PYGB: variants seen among roughly 807,000 people sequenced by gnomAD.
PYGB encodes glycogen phosphorylase, brain form.
A neutral mutation model predicts 94.3 loss-of-function variants in PYGB; 82 were observed. That is an observed-to-expected ratio of 0.87 (90% CI 0.73 to 1.04). PYGB has a LOEUF of 1.04. Among genes scored for constraint, PYGB ranks in the 50% least tolerant of loss-of-function variants. The pLI is 0.00. For synonymous variants in PYGB, 488 were observed against 479.1 expected (o/e 1.02, Z -0.24); for missense variants, 1,132 against 1,158.2 (o/e 0.98, Z 0.33).
rs746812974 is a variant in PYGB at position 25,248,220 on chromosome 20, C to A, written c.42C>A (p.Ile14=). ...PLTDSEKRKQ[I]SVRGLAGLGD... is the part of the protein sequence containing the mutation. ...CGGACAGCGAGAAGCGGAAGCAGAT[C>A]AGCGTGCGCGGCCTGGCGGGGCTAG... The change falls in exon 1 of 20, where the codon ATC becomes ATA. Residue 14 remains isoleucine, a synonymous_variant. Transcript: ENST00000216962. The A allele has an allele frequency of 3.1e-6, 5 of 1,595,838 alleles. No individual in the cohort carries two copies. The South Asian group carries it at 5.6e-5, about 18-fold the overall frequency.
intron 7 of PYGB, among the ~76,000 whole-genome samples, chr20:25,277,837 G>T (rs1427869841): frequency 1.3e-5 from 2 of 152,256 alleles, no homozygotes; most frequent in Admixed American, 1.3e-4. Context: ...TGCATTTAGT[G>T]CCCAGTGGCT....
intron 2 of PYGB, among the ~76,000 whole-genome samples, chr20:25,260,839 C>T (rs1295295800): frequency 1.3e-5 from 2 of 152,244 alleles, no homozygotes; most frequent in African/African-American, 4.8e-5. Context: ...ATATCCCGCA[C>T]CAGGCTCAGA....
At chr20:25,277,539 T>C (rs2088324427) in intron 7 of PYGB, among the ~76,000 whole-genome samples, 1 of 152,176 alleles carries the variant, frequency 6.6e-6, no homozygotes, top group Admixed American at 6.5e-5. Flanking sequence ...CGTGTGCCTC[T>C]TGGCAGCTCT....
intron 2 of PYGB, among the ~76,000 whole-genome samples, chr20:25,259,904 T>C (rs1259189077): frequency 6.6e-6 from 1 of 152,230 alleles, no homozygotes; most frequent in Admixed American, 6.5e-5. Flanking sequence ...TTCGCTTCCC[T>C]TCCCAGCTGA....
Position 25,271,406 on chromosome 20 carries a change from A to G in PYGB, c.448A>G (p.Thr150Ala), listed in dbSNP as rs750836489. ...LAACFLDSMA[T>A]LGLAAYGYGI... ...AGCGTGTTTCCTTGACTCAATGGCT[A>G]CCTTGGGCCTGGCAGCATACGGCTA... The change falls in exon 4 of 20, where the codon ACC (threonine) becomes GCC (alanine). Residue 150 changes from threonine (T) to alanine (A), a missense_variant. Physicochemically the swap from Thr to Ala is moderately conservative, Grantham distance 58. Coordinates refer to ENST00000216962, the MANE Select transcript of PYGB (RefSeq NM_002862.4). The G allele has an allele frequency of 9.9e-6, 16 of 1,613,944 alleles. No individual in the cohort carries two copies. The African/African-American group carries it at 2.0e-4, about 20-fold the overall frequency.
chr20:25,271,319 G>A (rs547625937), intron 3 of PYGB, 64 bp from the exon 4 acceptor site: 66 of 1,492,702 alleles, frequency 4.4e-5, no homozygotes, highest in South Asian at 2.5e-4. Flanking sequence ...CCTGTGGGCT[G>A]CCTCCGCATG....
At position 25,274,796 on chromosome 20, in the gene PYGB, G is replaced by A. The variant is rs781369615; in HGVS notation, c.660+73G>A. On this transcript the variant is annotated intron_variant, in intron 5 of 19. Transcript: ENST00000216962. Reference sequence around the variant, plus strand: ...GGCTGCTGCGGCTCATTTGTAGACAGCTCAGCTTCTTTTGGCTTGGGGGGC... The same window carrying A: ...GGCTGCTGCGGCTCATTTGTAGACAACTCAGCTTCTTTTGGCTTGGGGGGC... 13 of 1,546,164 alleles carry A rather than the reference G, an allele frequency of 8.4e-6. No homozygotes were observed. The African/African-American group carries it at 1.4e-4, about 16-fold the overall frequency.
intron 2 of PYGB, among the ~76,000 whole-genome samples, chr20:25,262,665 T>TAAAAGACACAGGC (rs879331202): frequency 6.8e-6 from 1 of 147,774 alleles, no homozygotes; most frequent in African/African-American, 2.7e-5. Flanking sequence ...ATGCTCCATT[T>TAAAAGACACAGGC]TGACTTGACT....
intron 13 of PYGB, 146 bp from the exon 14 acceptor site, chr20:25,283,958 G>T: frequency 1.1e-6 from 1 of 892,870 alleles, no homozygotes. Flanking sequence ...GACCCCTGGT[G>T]CAATCTCTGC....
At chr20:25,249,818 C>T (rs1479339688) in intron 1 of PYGB, among the ~76,000 whole-genome samples, 3 of 151,692 alleles carry the variant, frequency 2.0e-5, no homozygotes, top group African/African-American at 7.3e-5. Context: ...CCAGAATTCC[C>T]TGCTGTTGGG....
At chr20:25,249,234 A>C (rs941488280) in intron 1 of PYGB, among the ~76,000 whole-genome samples, 5 of 151,530 alleles carry the variant, frequency 3.3e-5, no homozygotes, top group Non-Finnish European at 7.4e-5. Flanking sequence ...ATGCACATAC[A>C]GTTTTTTAGA....
Position 25,296,592 on chromosome 20 carries a change from A to C in PYGB, c.*70A>C, listed in dbSNP as rs200841416. 3.3e-6 allele frequency: 5 copies of C among 1,535,914 alleles called. No homozygotes were observed. Among genetic ancestry groups the C allele is most frequent in the Non-Finnish European group, 3.5e-6 (4 of 1,139,548 alleles). On this transcript the variant is annotated 3_prime_UTR_variant, in exon 20 of 20. Coordinates refer to ENST00000216962, the MANE Select transcript of PYGB (RefSeq NM_002862.4). ...TGACTTTGCACCTCCTTTTTTCCCC[A>C]AACACTTTGCCAGCCACTGGTGGTC...
At chr20:25,291,716 C>T (rs1006088316) in intron 16 of PYGB, among the ~76,000 whole-genome samples, 1 of 152,082 alleles carries the variant, frequency 6.6e-6, no homozygotes, top group East Asian at 1.9e-4. Flanking sequence ...CTGACTCCTG[C>T]TCATCTTTAG....
chr20:25,282,173 T>G, intron 12 of PYGB, 26 bp downstream of exon 12: 1 of 1,563,808 alleles, frequency 6.4e-7, no homozygotes, highest in Non-Finnish European at 8.8e-7. Flanking sequence ...CACCCGTGCC[T>G]GTGGAGATGC....
At chr20:25,294,824 G>GT (rs1485642046) in intron 18 of PYGB, 1 of 813,900 alleles carries the variant, frequency 1.2e-6, no homozygotes, top group South Asian at 1.4e-5. Context: ...ACTTTGTAAG[G>GT]TTTGCAGCTC....
At chr20:25,261,065 G>A (rs2092912425) in intron 2 of PYGB, among the ~76,000 whole-genome samples, 1 of 152,228 alleles carries the variant, frequency 6.6e-6, no homozygotes, top group Admixed American at 6.5e-5. Flanking sequence ...GGGCATAGCT[G>A]AACAAAAGGC....
chr20:25,295,696 G>T (rs757433007), intron 19 of PYGB, 26 bp downstream of exon 19: 1 of 1,596,386 alleles, frequency 6.3e-7, no homozygotes, highest in Admixed American at 1.7e-5. Flanking sequence ...CCAGAGGCTA[G>T]GGGAGCAGCT....
At chr20:25,279,794 C>T (rs945298706) in intron 9 of PYGB, among the ~76,000 whole-genome samples, 1 of 152,148 alleles carries the variant, frequency 6.6e-6, no homozygotes, top group African/African-American at 2.4e-5. Flanking sequence ...AACCCAAGCC[C>T]CTCTCTGGTC....
At chr20:25,275,453 C>CCT (rs1296017426) in intron 5 of PYGB, among the ~76,000 whole-genome samples, 2 of 152,160 alleles carry the variant, frequency 1.3e-5, no homozygotes. Flanking sequence ...GACTCAGCCA[C>CCT]CTGTGATGGA....
Sources: allele counts gnomAD v4.1 joint callset (sites outside exome capture counted in the v4.1 genomes callset), GRCh38; gene constraint gnomAD v4.1.1; transcripts MANE v1.5; gene names NCBI Gene and HGNC (gene_info 2026-07-23, HGNC 2026-07-21).